The following LITAF variants were observed in gnomAD, a reference collection of about 807,000 sequenced individuals.
LITAF encodes the protein lipopolysaccharide induced TNF factor, also known as lipopolysaccharide-induced tumor necrosis factor-alpha factor.
In LITAF, 9 loss-of-function variants were observed where a neutral mutation model predicts 14.5. That is an observed-to-expected ratio of 0.62 (90% confidence interval 0.37 to 1.08). The LOEUF is 1.08. Ranked by LOEUF, LITAF falls within the 50% of genes least tolerant of loss-of-function variation. The pLI is 0.01. For synonymous variants in LITAF, 98 were observed against 88.2 expected, an observed-to-expected ratio of 1.11 and a Z score of -0.62; for missense variants, 206 against 213.4, an observed-to-expected ratio of 0.97 and a Z score of 0.22.
chr16:11,595,710 C>G (rs1216457788), intron 1 of LITAF, among the ~76,000 whole-genome samples: 2 of 152,082 alleles, frequency 1.3e-5, no homozygotes, highest in African/African-American at 4.8e-5. Context: ...GCCTGGGCGA[C>G]AGAGTGAGAC....
At chr16:11,628,964 T>C (rs901004880) in intron 3 of LITAF, among the ~76,000 whole-genome samples, 4 of 152,060 alleles carry the variant, frequency 2.6e-5, no homozygotes, top group Admixed American at 6.5e-5. Flanking sequence ...GCGTGAGCCA[T>C]TGCTCCCAGC....
intron 3 of LITAF, among the ~76,000 whole-genome samples, chr16:11,616,002 C>T (rs2065017399): frequency 1.3e-5 from 2 of 152,182 alleles, no homozygotes; most frequent in South Asian, 4.1e-4. Flanking sequence ...ATGCCTACGT[C>T]ACGAAACCTT....
intron 2 of LITAF, among the ~76,000 whole-genome samples, chr16:11,554,604 C>T (rs2064239606): frequency 6.6e-6 from 1 of 151,910 alleles, no homozygotes; most frequent in Admixed American, 6.6e-5. Flanking sequence ...ACCAGCCTGG[C>T]CAACATGGTG....
At chr16:11,602,760 C>CAA (rs35880448), upstream of LITAF, among the ~76,000 whole-genome samples, 17,507 of 113,908 alleles carry the variant, frequency 0.15, 1,401 homozygotes, top group Non-Finnish European at 0.22. Context: ...TGGCTTGTTG[C>CAA]AAAAAAAAAA....
intron 3 of LITAF, among the ~76,000 whole-genome samples, chr16:11,628,342 C>G (rs1261342519): frequency 2.0e-5 from 3 of 152,178 alleles, no homozygotes; most frequent in Non-Finnish European, 2.9e-5. Flanking sequence ...GTCCTGGGAA[C>G]TCTTTCTAGA....
chr16:11,560,577 C>A, intron 1 of LITAF, among the ~76,000 whole-genome samples: 1 of 93,636 alleles, frequency 1.1e-5, no homozygotes, highest in Non-Finnish European at 2.3e-5. Flanking sequence ...AGCGAGATTC[C>A]ATCTCAAAAA....
chr16:11,564,988 C>T (rs1047410107), intron 1 of LITAF, among the ~76,000 whole-genome samples: 9 of 145,036 alleles, frequency 6.2e-5, no homozygotes, highest in Non-Finnish European at 1.3e-4. Context: ...TACGAACTTA[C>T]TAAATGCACT....
chr16:11,594,737 A>C (rs971726173), intron 1 of LITAF, among the ~76,000 whole-genome samples: 2 of 151,974 alleles, frequency 1.3e-5, no homozygotes, highest in Non-Finnish European at 2.9e-5. Flanking sequence ...TTAGCCGGGC[A>C]TGGTGGCTCG....
At chr16:11,629,563 G>T (rs746931703) in intron 3 of LITAF, among the ~76,000 whole-genome samples, 1 of 152,028 alleles carries the variant, frequency 6.6e-6, no homozygotes, top group African/African-American at 2.4e-5. Flanking sequence ...TGGGTGAGGG[G>T]TGGGAAACAC....
chr16:11,557,894 C>T (rs570927864), intron 1 of LITAF, among the ~76,000 whole-genome samples: 1 of 152,282 alleles, frequency 6.6e-6, no homozygotes, highest in South Asian at 2.1e-4. Flanking sequence ...AGCTGCTGCT[C>T]GCCTAGAATT....
intron 2 of LITAF, among the ~76,000 whole-genome samples, chr16:11,555,962 T>C (rs1030880656): frequency 2.6e-5 from 4 of 152,180 alleles, no homozygotes; most frequent in African/African-American, 7.2e-5. Flanking sequence ...GAGCTAAAGA[T>C]TTCTTTCAGA....
upstream of LITAF, among the ~76,000 whole-genome samples, chr16:11,639,684 A>G (rs553382501): frequency 4.2e-5 from 6 of 142,828 alleles, no homozygotes; most frequent in East Asian, 1.2e-3. Context: ...GGCAAAGAAA[A>G]AAGATTCATC....
At chr16:11,587,532 G>A (rs1361826316), upstream of LITAF, 5 of 438,092 alleles carry the variant, frequency 1.1e-5, no homozygotes, top group Admixed American at 9.8e-5. Flanking sequence ...GACCGACTGG[G>A]AGTGAACTGG....
At chr16:11,566,862 A>G (rs2064459020) in intron 1 of LITAF, among the ~76,000 whole-genome samples, 1 of 152,174 alleles carries the variant, frequency 6.6e-6, no homozygotes, top group African/African-American at 2.4e-5. Context: ...TAGCTCTAAC[A>G]TAGAATCTGA....
chr16:11,636,090 C>T (rs1280206755), intron 1 of LITAF: 1 of 152,236 alleles, frequency 6.6e-6, no homozygotes, highest in Non-Finnish European at 1.5e-5. Context: ...GCTACCCAGG[C>T]TCTGAGCTCC....
At chr16:11,608,343 G>A (rs943140202) in intron 3 of LITAF, among the ~76,000 whole-genome samples, 43 of 152,356 alleles carry the variant, frequency 2.8e-4, no homozygotes, top group Admixed American at 2.1e-3. Context: ...GAACAAGTTG[G>A]ATTCTACCGG....
chr16:11,572,025 G>T lies in LITAF; in HGVS notation c.-6+14861C>A, dbSNP rs192662505. 2.6e-5 allele frequency among the ~76,000 whole-genome samples: 4 copies of T among 152,140 alleles called. No homozygotes were observed. In the East Asian group the frequency reaches 5.8e-4, roughly 22 times the overall value. ...AATCACTTGAGCCCAGGAGTTTGAG[G>T]CTGCAGTGAGCTGTGATCACGCCAC... is the stretch of plus-strand genomic sequence containing the variant. On this transcript the variant is annotated intron_variant, in intron 1 of 3. Coordinates refer to ENST00000622633, the MANE Select transcript of LITAF (RefSeq NM_001136472.2).
chr16:11,594,524 T>C (rs1462381747), intron 1 of LITAF, among the ~76,000 whole-genome samples: 1 of 152,022 alleles, frequency 6.6e-6, no homozygotes, highest in Non-Finnish European at 1.5e-5. Flanking sequence ...CCCACTTATT[T>C]TGTTAAAAAG....
intron 3 of LITAF, among the ~76,000 whole-genome samples, chr16:11,628,263 C>T (rs1481839773): frequency 1.3e-5 from 2 of 152,138 alleles, no homozygotes; most frequent in Non-Finnish European, 1.5e-5. Context: ...CCAGATAACT[C>T]GCTAAACTTG....
Sources: allele counts gnomAD v4.1 joint callset (sites outside exome capture counted in the v4.1 genomes callset), GRCh38; gene constraint gnomAD v4.1.1; transcripts MANE v1.5; gene names NCBI Gene and HGNC (gene_info 2026-07-23, HGNC 2026-07-21).